The following MROH7 variants were observed in gnomAD, a reference collection of about 807,000 sequenced individuals.
MROH7 encodes maestro heat-like repeat-containing protein family member 7.
MROH7 carries 113 observed loss-of-function variants against 129.2 expected under a neutral mutation model. The ratio of observed to expected loss-of-function variants is 0.87; its 90% CI spans 0.75 to 1.02. The LOEUF is 1.02. MROH7 is among the 50% of genes least tolerant of loss of function. The pLI is 0.00. For synonymous variants in MROH7, 655 were observed against 667.9 expected, an observed-to-expected ratio of 0.98 and a Z score of 0.30; for missense variants, 1,601 against 1,671.3, an observed-to-expected ratio of 0.96 and a Z score of 0.73.
intron 15 of MROH7, among the ~76,000 whole-genome samples, chr1:54,688,636 C>T (rs2101158439): frequency 6.6e-6 from 1 of 152,242 alleles, no homozygotes; most frequent in South Asian, 2.1e-4. Context: ...ATAAATGATT[C>T]CTGTCCCATA....
In MROH7 at chr1:54,666,617, T is replaced by TA. The variant is rs35453386; in HGVS notation, c.1305+1379dup. Among the ~76,000 whole-genome samples the TA allele has an allele frequency of 4.4e-3, 666 of 150,156 alleles. 9 individuals are homozygous for TA. Among genetic ancestry groups the TA allele is most frequent in the African/African-American group, 0.015 (608 of 40,796 alleles). ...GCCCGGCCCTGGGCTATTTTTTTTT[T>TA]AATTTTTTGCCTAGAGGTGAGGTCT... is the stretch of plus-strand genomic sequence containing the variant. On this transcript the variant is annotated intron_variant, in intron 4 of 23. Coordinates refer to ENST00000421030, the MANE Select transcript of MROH7 (RefSeq NM_001039464.4).
In MROH7 at chr1:54,673,946, G is replaced by A; in HGVS notation, c.1801-70G>A. The A allele has an allele frequency of 7.6e-6, 12 of 1,575,040 alleles. No individual in the cohort carries two copies. The South Asian group carries it at 1.3e-4, about 16-fold the overall frequency. On this transcript the variant is annotated intron_variant, in intron 9 of 23. Coordinates refer to ENST00000421030, the MANE Select transcript of MROH7 (RefSeq NM_001039464.4). ...GCTATCTGGGCCAGACTATCCACCGGTGTTCACCATTTAATGTATAGCATT... is the reference window on the plus strand; with the variant it reads ...GCTATCTGGGCCAGACTATCCACCGATGTTCACCATTTAATGTATAGCATT...
Position 54,673,464 on chromosome 1 carries a change from G to GTCGTCATGAC in MROH7, c.1696-235_1696-234insGTCATGACTC, listed in dbSNP as rs1452941885. Among the ~76,000 whole-genome samples the GTCGTCATGAC allele has an allele frequency of 2.0e-5, 3 of 152,028 alleles. No individual in the cohort carries two copies. In the East Asian group the frequency reaches 5.8e-4, roughly 29 times the overall value. ...ATGCTTGTCCCTGCGTCTCTCTTCT[G>GTCGTCATGAC]TCTTCATGACTCTTCACTCTTCATC... On this transcript the variant is annotated intron_variant, in intron 8 of 23. Coordinates refer to ENST00000421030, the MANE Select transcript of MROH7 (RefSeq NM_001039464.4).
At chr1:54,704,344 G>A (rs1645492208) in intron 21 of MROH7, among the ~76,000 whole-genome samples, 1 of 152,046 alleles carries the variant, frequency 6.6e-6, no homozygotes, top group Admixed American at 6.6e-5. Context: ...AGACCCCGTT[G>A]AAGGTAGGGG....
rs757019483 is a variant in MROH7, at chr1:54,687,402, C to T, written c.2711+954C>T. ...GCTGTCTCTTTATTTTTAACAGCTG[C>T]ATAGTATCTCTATGTATAGGATCCC... is the stretch of plus-strand genomic sequence containing the variant. On this transcript the variant is annotated intron_variant, in intron 15 of 23. Transcript: ENST00000421030. Among the ~76,000 whole-genome samples the T allele has an allele frequency of 2.2e-4, 34 of 152,328 alleles. 1 individual carries two copies. Among genetic ancestry groups the T allele is most frequent in the Middle Eastern group, 3.4e-3 (1 of 294 alleles).
chr1:54,679,263 G>T lies in MROH7; in HGVS notation c.2050G>T (p.Glu684Ter). ...PCQNILRVIE[E>*]FGDFLGPQQI... ...CATGATCTCAGCACCTTTGTTTCAG[G>T]AATTTGGAGACTTCCTGGGGCCCCA... Residue 684 changes from glutamate (E) to a stop codon, truncating the protein, a stop_gained and splice_region_variant, in exon 12 of 24, where the codon GAA becomes TAA. Transcript: ENST00000421030. LOFTEE classifies it high-confidence loss of function. 6.2e-7 allele frequency: 1 copy of T among 1,614,078 alleles called. No homozygotes were observed. Among genetic ancestry groups the T allele is most frequent in the Non-Finnish European group, 8.5e-7 (1 of 1,180,012 alleles).
At chr1:54,692,660 A>G in intron 16 of MROH7, 99 bp downstream of exon 16, 1 of 1,284,872 alleles carries the variant, frequency 7.8e-7, no homozygotes, top group Non-Finnish European at 1.1e-6. Context: ...CCTGGGCAAG[A>G]CCCTTTGCTC....
At chr1:54,643,339 G>C (rs1644416116) in intron 1 of MROH7, among the ~76,000 whole-genome samples, 1 of 152,180 alleles carries the variant, frequency 6.6e-6, no homozygotes, top group Non-Finnish European at 1.5e-5. Context: ...AGAGGAAAGA[G>C]TATTTGCAAA....
At chr1:54,673,018 A>T in intron 7 of MROH7, 73 bp from the exon 8 acceptor site, 1 of 1,134,274 alleles carries the variant, frequency 8.8e-7, no homozygotes, top group Non-Finnish European at 1.3e-6. Flanking sequence ...CCCCTGACCT[A>T]CACCAGGGGC....
chr1:54,708,967 G>GGGGGGGCCC, intron 22 of MROH7, 47 bp from the exon 23 acceptor site: 2 of 1,329,364 alleles, frequency 1.5e-6, no homozygotes, highest in Non-Finnish European at 1.0e-6. Flanking sequence ...TTGGGGTGGG[G>GGGGGGGCCC]TCGACGTCGG....
Position 54,692,605 on chromosome 1 carries a change from G to C in MROH7, c.2849+44G>C, listed in dbSNP as rs746734190. Reference sequence around the variant, plus strand: ...TTGGGGTTGGGGTGGGAGGGAGAAAGAGGGGGACCTCAGGATCTTCAGACG... The same window carrying C: ...TTGGGGTTGGGGTGGGAGGGAGAAACAGGGGGACCTCAGGATCTTCAGACG... On this transcript the variant is annotated intron_variant, in intron 16 of 23. Coordinates refer to ENST00000421030, the MANE Select transcript of MROH7 (RefSeq NM_001039464.4). 5.7e-6 allele frequency: 9 copies of C among 1,591,600 alleles called. No individual in the cohort carries two copies. In the South Asian group the frequency reaches 9.0e-5, roughly 16 times the overall value.
At chr1:54,684,140 C>T (rs1645111655) in intron 14 of MROH7, among the ~76,000 whole-genome samples, 1 of 152,180 alleles carries the variant, frequency 6.6e-6, no homozygotes, top group Non-Finnish European at 1.5e-5. Context: ...GCCAAGCACA[C>T]TTATAGGTTC....
At chr1:54,670,629 T>C in intron 6 of MROH7, 53 bp downstream of exon 6, 2 of 1,548,864 alleles carry the variant, frequency 1.3e-6, no homozygotes, top group Non-Finnish European at 1.8e-6. Flanking sequence ...CTTCCTCCAC[T>C]TCTGCCTCCC....
intron 22 of MROH7, among the ~76,000 whole-genome samples, chr1:54,706,881 A>G (rs965734640): frequency 3.3e-5 from 5 of 152,166 alleles, no homozygotes; most frequent in Non-Finnish European, 7.3e-5. Context: ...AGGAGGGGCC[A>G]AGCAGCATGG....
intron 7 of MROH7, among the ~76,000 whole-genome samples, chr1:54,671,378 C>T (rs1470613510): frequency 3.3e-5 from 5 of 152,292 alleles, no homozygotes; most frequent in East Asian, 3.9e-4. Context: ...CCAGCCTGGG[C>T]GACAGAGCGA....
At chr1:54,650,289 G>A (rs1644534643) in intron 1 of MROH7, among the ~76,000 whole-genome samples, 1 of 152,114 alleles carries the variant, frequency 6.6e-6, no homozygotes, top group Admixed American at 6.5e-5. Context: ...GGTTGAGCTG[G>A]GCTTTAAACT....
rs139419473 is a variant in MROH7 at position 54,684,941 on chromosome 1, C to T, written c.2521-1317C>T. Among the ~76,000 whole-genome samples, 132 of 152,304 alleles carry T rather than the reference C, an allele frequency of 8.7e-4. 2 individuals carry two copies. Among genetic ancestry groups the T allele is most frequent in the African/African-American group, 2.9e-3 (121 of 41,558 alleles). On this transcript the variant is annotated intron_variant, in intron 14 of 23. Transcript: ENST00000421030. ...GTTAGGTCACTTTTCTCCAAGGGAA[C>T]ATGTCAGGGGTTCTTTCACTTTGCA... is the stretch of plus-strand genomic sequence containing the variant.
At position 54,682,655 on chromosome 1, in the gene MROH7, G is replaced by C; in HGVS notation, c.2382-1G>C. 1 of 1,612,608 alleles carries C rather than the reference G, an allele frequency of 6.2e-7. No homozygotes were observed. Among genetic ancestry groups the C allele is most frequent in the Non-Finnish European group, 8.5e-7 (1 of 1,179,332 alleles). ...AATTGCCCACATCCCTGACCTCTCAGCAATGGAGCAGAGATGTGGAGGCAG... is the reference window on the plus strand; with the variant it reads ...AATTGCCCACATCCCTGACCTCTCACCAATGGAGCAGAGATGTGGAGGCAG... On this transcript the variant is annotated splice_acceptor_variant, in intron 13 of 23. Coordinates refer to ENST00000421030, the MANE Select transcript of MROH7 (RefSeq NM_001039464.4). LOFTEE classifies it high-confidence loss of function.
intron 3 of MROH7, among the ~76,000 whole-genome samples, chr1:54,664,386 G>A (rs186039676): frequency 4.6e-5 from 7 of 152,246 alleles, no homozygotes; most frequent in East Asian, 1.9e-4. Flanking sequence ...GCCCCAGGGT[G>A]GGGGTGGCCT....
Sources: allele counts gnomAD v4.1 joint callset (sites outside exome capture counted in the v4.1 genomes callset), GRCh38; gene constraint gnomAD v4.1.1; transcripts MANE v1.5; gene names NCBI Gene and HGNC (gene_info 2026-07-23, HGNC 2026-07-21).